Variants in SBF1 observed in about 807,000 individuals in gnomAD.
SBF1 encodes the protein myotubularin-related protein 5.
A neutral mutation model predicts 215.8 loss-of-function variants in SBF1; 65 were observed. The observed-to-expected ratio is 0.30, with a 90% confidence interval of 0.25 to 0.37. The LOEUF is 0.37. SBF1 is among the 10% of genes least tolerant of loss of function. SBF1 has a pLI of 1.00. For synonymous variants in SBF1, 1,410 were observed against 1,122.8 expected, an observed-to-expected ratio of 1.26 and a Z score of -5.11; for missense variants, 2,634 against 2,667.8, an observed-to-expected ratio of 0.99 and a Z score of 0.28.
At chr22:50,469,697 A>G (rs1377788750) in intron 1 of SBF1, among the ~76,000 whole-genome samples, 1 of 152,140 alleles carries the variant, frequency 6.6e-6, no homozygotes, top group Non-Finnish European at 1.5e-5. Flanking sequence ...GCAGAGCCAG[A>G]TGGGCAAGGC....
chr22:50,453,865 G>C (rs768016646), intron 36 of SBF1, among the ~76,000 whole-genome samples: 14 of 151,846 alleles, frequency 9.2e-5, no homozygotes, highest in Non-Finnish European at 1.8e-4. Flanking sequence ...CCGTGGCCTA[G>C]GTCCAAGGTC....
chr22:50,467,684 T>C lies in SBF1; in HGVS notation c.286A>G (p.Thr96Ala), dbSNP rs1486703093. 6.3e-7 allele frequency: 1 copy of C among 1,575,494 alleles called. No homozygotes were observed. The highest frequency in any genetic ancestry group is 8.6e-7 in the Non-Finnish European group (1 of 1,158,818). Residue 96 changes from threonine (T) to alanine (A), a missense_variant, in exon 4 of 41, where the codon ACG (threonine) becomes GCG (alanine). Transcript: ENST00000380817. ...CTCTCTGTGGCATCCTCCACGCGCG[T>C]CGTTTCCTGCTGGGGGTCAGGGGGA... Reference protein sequence around the residue: ...WEPAEPSQETTRVEDATEREE... With the variant: ...WEPAEPSQETARVEDATEREE...
At chr22:50,474,634 GC>G in intron 1 of SBF1, 151 bp downstream of exon 1, 1 of 445,584 alleles carries the variant, frequency 2.2e-6, no homozygotes, top group Non-Finnish European at 3.6e-6. Context: ...CCGGTCCTCG[GC>G]CCTCAGCGCC....
chr22:50,460,875 A>G (rs189264729), intron 23 of SBF1, among the ~76,000 whole-genome samples, 163 bp from the exon 24 acceptor site: 2 of 152,210 alleles, frequency 1.3e-5, no homozygotes, highest in African/African-American at 4.8e-5. Context: ...GCGCTTGTGT[A>G]AACTCGAAAT....
chr22:50,463,458 G>A, intron 15 of SBF1, 26 bp from the exon 16 acceptor site: 4 of 1,542,034 alleles, frequency 2.6e-6, no homozygotes, highest in Non-Finnish European at 3.5e-6. Context: ...GGAGACACGG[G>A]CTGAGGGCAC....
intron 1 of SBF1, among the ~76,000 whole-genome samples, chr22:50,472,061 G>A (rs1358231169): frequency 6.6e-6 from 1 of 152,202 alleles, no homozygotes; most frequent in East Asian, 1.9e-4. Context: ...ATCAGGCCAA[G>A]AGCCGGGCAG....
rs1556426082 is a variant in SBF1 at position 50,462,399 on chromosome 22, C to T, written c.2202G>A (p.Trp734Ter). Residue 734 changes from tryptophan (W) to a stop codon, truncating the protein, a stop_gained, in exon 19 of 41, where the codon TGG (tryptophan) becomes TGA (stop). Coordinates refer to ENST00000380817, the MANE Select transcript of SBF1 (RefSeq NM_002972.4). LOFTEE classifies it high-confidence loss of function. ...GCTGCTTCTCACGACTCAGAGTTGG[C>T]CACAAGCGCCGCTGCTCAGAAGCCA... ...LDVASEQRRL[W>*]PTLSREKQQE... 6.2e-7 allele frequency: 1 copy of T among 1,614,090 alleles called. No individual in the cohort carries two copies. The highest frequency in any genetic ancestry group is 8.5e-7 in the Non-Finnish European group (1 of 1,180,014).
intron 3 of SBF1, 28 bp downstream of exon 3, chr22:50,467,758 A>G (rs1184318493): frequency 5.0e-6 from 8 of 1,613,230 alleles, no homozygotes; most frequent in Admixed American, 3.3e-5. Context: ...AGCTTCATTC[A>G]TGCTGTACCC....
intron 29 of SBF1, 31 bp downstream of exon 29, chr22:50,457,003 G>A: frequency 7.1e-7 from 1 of 1,402,052 alleles, no homozygotes; most frequent in Non-Finnish European, 9.3e-7. Context: ...CAAGTAAGGG[G>A]AGGCGGGCCT....
chr22:50,467,395 C>T lies in SBF1; in HGVS notation c.492G>A (p.Leu164=). The T allele has an allele frequency of 6.2e-7, 1 of 1,614,168 alleles. No homozygotes were observed. Residue 164 remains leucine (L), a synonymous_variant, in exon 5 of 41, where the codon CTG becomes CTA. Transcript: ENST00000380817. ...AIHVEGLNVC[L]ENVIGNLLTC... ...TCAGCAGGTTCCCAATCACGTTCTCCAGGCACACATTCAGGCCCTCCACGT... is the reference window on the plus strand; with the variant it reads ...TCAGCAGGTTCCCAATCACGTTCTCTAGGCACACATTCAGGCCCTCCACGT...
Position 50,459,651 on chromosome 22 carries a change from C to T in SBF1, c.3507G>A (p.Leu1169=). 1 of 1,606,980 alleles carries T rather than the reference C, an allele frequency of 6.2e-7. No homozygotes were observed. The highest frequency in any genetic ancestry group is 8.5e-7 in the Non-Finnish European group (1 of 1,177,802). ...TGTCCTGGACACTCTGGGGCACGAT[C>T]AGCAGCCCTGGGTAGCTGAGAGGAG... The part of the protein sequence containing the change: ...YAICRSYPGL[L]IVPQSVQDNA... Residue 1169 remains leucine (L), a synonymous_variant, in exon 27 of 41, where the codon CTG becomes CTA. Coordinates refer to ENST00000380817, the MANE Select transcript of SBF1 (RefSeq NM_002972.4).
chr22:50,465,897 G>T (rs772974307), intron 9 of SBF1, 57 bp from the exon 10 acceptor site: 2 of 1,610,064 alleles, frequency 1.2e-6, no homozygotes, highest in Admixed American at 1.7e-5. Flanking sequence ...TAGGCTCCCC[G>T]TGCTGCCAGG....
At chr22:50,468,310 AG>A in intron 2 of SBF1, 65 bp downstream of exon 2, 1 of 1,462,902 alleles carries the variant, frequency 6.8e-7, no homozygotes. Flanking sequence ...GTCAGGGACA[AG>A]GGCAGGGCTG....
At position 50,465,293 on chromosome 22, in the gene SBF1, G is replaced by C. The variant is rs200307726; in HGVS notation, c.1125C>G (p.Phe375Leu). 3.7e-6 allele frequency: 6 copies of C among 1,606,646 alleles called. No individual in the cohort carries two copies. The highest frequency in any genetic ancestry group is 1.3e-5 in the African/African-American group (1 of 74,882). ...AGCGATAGCCCTGCAGCAGCTGAGC[G>C]AACAGCCGCAGGAAGACCGCGCGCA... is the stretch of plus-strand genomic sequence containing the variant. ...KELRAVFLRLFAQLLQGYRWC... is the reference protein window; with the variant it reads ...KELRAVFLRLLAQLLQGYRWC... Residue 375 changes from phenylalanine (F) to leucine (L), a missense_variant, in exon 11 of 41, where the codon TTC becomes TTG. Coordinates refer to ENST00000380817, the MANE Select transcript of SBF1 (RefSeq NM_002972.4).
intron 26 of SBF1, 127 bp from the exon 27 acceptor site, chr22:50,459,793 C>T: frequency 1.5e-6 from 2 of 1,305,056 alleles, no homozygotes; most frequent in Non-Finnish European, 2.1e-6. Flanking sequence ...AGCCACGGGG[C>T]CCCCCAGCCA....
Position 50,474,868 on chromosome 22 carries a change from GC to G in SBF1, c.-29del. The G allele has an allele frequency of 7.4e-7, 1 of 1,354,910 alleles. No individual in the cohort carries two copies. The highest frequency in any genetic ancestry group is 9.5e-7 in the Non-Finnish European group (1 of 1,056,974). The allele number at this position is 1,354,910 out of a possible 1,614,324, so 83.9% of individuals were successfully genotyped here. ...CGAGGGACGCGGGGCGGCCCGAGGGGCGCGGGCGGGCTCCGCGGCTCGGGGA... is the reference window on the plus strand; with the variant it reads ...CGAGGGACGCGGGGCGGCCCGAGGGGGCGGGCGGGCTCCGCGGCTCGGGGA... On this transcript the variant is annotated 5_prime_UTR_variant, in exon 1 of 41. Coordinates refer to ENST00000380817, the MANE Select transcript of SBF1 (RefSeq NM_002972.4).
intron 28 of SBF1, among the ~76,000 whole-genome samples, chr22:50,458,720 G>A (rs570766968): frequency 4.6e-5 from 7 of 152,334 alleles, no homozygotes; most frequent in South Asian, 4.1e-4. Context: ...TGTGCGTGGC[G>A]GTGGGGACAG....
chr22:50,466,343 G>A lies in SBF1; in HGVS notation c.788+7C>T. 6.3e-7 allele frequency: 1 copy of A among 1,581,116 alleles called. No homozygotes were observed. Among genetic ancestry groups the A allele is most frequent in the Non-Finnish European group, 8.6e-7 (1 of 1,163,518 alleles). ...AGAAGGGGCTGGGAGGGCCGGGCAG[G>A]GGTCACCTGTATCTGAGAGGAAACA... On this transcript the variant is annotated splice_region_variant and intron_variant, in intron 7 of 40. Transcript: ENST00000380817.
chr22:50,461,381 G>T (rs2067504850), intron 22 of SBF1, 95 bp from the exon 23 acceptor site: 5 of 1,514,694 alleles, frequency 3.3e-6, no homozygotes, highest in Admixed American at 2.1e-5. Flanking sequence ...ATCCCAAGTG[G>T]GTGGGGAAGG....
Sources: allele counts gnomAD v4.1 joint callset (sites outside exome capture counted in the v4.1 genomes callset), GRCh38; gene constraint gnomAD v4.1.1; transcripts MANE v1.5; gene names NCBI Gene and HGNC (gene_info 2026-07-23, HGNC 2026-07-21).